Variants in BIRC6 observed in about 807,000 individuals in gnomAD.
BIRC6 encodes the protein baculoviral IAP repeat containing 6.
Under a neutral mutation model 503.3 loss-of-function variants are expected in BIRC6, and 98 were observed. The ratio of observed to expected loss-of-function variants is 0.19; its 90% CI spans 0.17 to 0.23. The LOEUF (loss-of-function observed/expected upper bound fraction) is 0.23, where lower values mean the gene tolerates loss of function less well. Ranked by LOEUF, BIRC6 falls within the 10% of genes least tolerant of loss-of-function variation. The pLI is 1.00. For synonymous variants in BIRC6, 2,240 were observed against 2,078.7 expected, an observed-to-expected ratio of 1.08 and a Z score of -2.11; for missense variants, 5,360 against 5,806.0, an observed-to-expected ratio of 0.92 and a Z score of 2.50.
Position 32,490,097 on chromosome 2 carries a change from A to G in BIRC6, c.8152A>G (p.Thr2718Ala). 6.2e-7 allele frequency: 1 copy of G among 1,613,746 alleles called. No homozygotes were observed. The highest frequency in any genetic ancestry group is 8.5e-7 in the Non-Finnish European group (1 of 1,179,680). ...LAWYPNTLLR[T>A]WCLVLHSLTL... Reference sequence around the variant, plus strand: ...TTGGTATCCCAATACTTTGCTCCGGACATGGTGCCTTGTGCTTCATAGCCT... The same window carrying G: ...TTGGTATCCCAATACTTTGCTCCGGGCATGGTGCCTTGTGCTTCATAGCCT... Residue 2718 changes from threonine to alanine, a missense_variant, in exon 43 of 74, where the codon ACA becomes GCA. This residue lies in a region of BIRC6 where 2,299 missense variants were observed against 2,267.2 expected (regional missense o/e 1.01). Coordinates refer to ENST00000421745, the MANE Select transcript of BIRC6 (RefSeq NM_016252.4).
At chr2:32,461,068 TTCTCC>T (rs1264852657) in intron 23 of BIRC6, among the ~76,000 whole-genome samples, 204 of 26,840 alleles carry the variant, frequency 7.6e-3, no homozygotes, top group African/African-American at 0.019. Flanking sequence ...TTCTCTTCTG[TTCTCC>T]TCTCCTCTCC....
At chr2:32,491,873 A>T (rs901700333) in intron 44 of BIRC6, among the ~76,000 whole-genome samples, 1 of 152,126 alleles carries the variant, frequency 6.6e-6, no homozygotes, top group African/African-American at 2.4e-5. Flanking sequence ...TTTGGAATCA[A>T]TAAATTTTAA....
At chr2:32,402,599 C>G (rs1328206200) in intron 8 of BIRC6, among the ~76,000 whole-genome samples, 2 of 152,142 alleles carry the variant, frequency 1.3e-5, no homozygotes, top group Non-Finnish European at 2.9e-5. Context: ...TCTAGTTCCT[C>G]TTGGTAATAA....
chr2:32,511,201 CTTTTTTTTTTTTT>C, intron 53 of BIRC6, among the ~76,000 whole-genome samples: 40 of 48,588 alleles, frequency 8.2e-4, no homozygotes, highest in African/African-American at 6.2e-4. Flanking sequence ...CTTTTCTTTT[CTTTTTTTTTTTTT>C]TTTTTTTTTT....
intron 22 of BIRC6, among the ~76,000 whole-genome samples, chr2:32,450,618 C>T (rs1020852354): frequency 6.6e-6 from 1 of 152,150 alleles, no homozygotes; most frequent in African/African-American, 2.4e-5. Flanking sequence ...TCTTTCTTAT[C>T]ACCCACATTG....
intron 6 of BIRC6, among the ~76,000 whole-genome samples, chr2:32,400,400 G>A (rs755084653): frequency 1.8e-4 from 26 of 146,280 alleles, no homozygotes; most frequent in Non-Finnish European, 3.1e-4. Flanking sequence ...GTGCAGTGGC[G>A]CGATCTCGGC....
chr2:32,597,413 C>T (rs2061744190), intron 68 of BIRC6, among the ~76,000 whole-genome samples: 1 of 152,106 alleles, frequency 6.6e-6, no homozygotes, highest in Non-Finnish European at 1.5e-5. Flanking sequence ...TTAATGAAAT[C>T]TTTGAGTTAA....
chr2:32,444,031 G>GTTTTTTTTTTTTT (rs776568064), intron 20 of BIRC6, among the ~76,000 whole-genome samples: 8 of 136,870 alleles, frequency 5.8e-5, no homozygotes, highest in African/African-American at 1.7e-4. Context: ...GGGACCAGTG[G>GTTTTTTTTTTTTT]TTTTTTTTTT....
At chr2:32,408,465 T>C (rs2041492766) in intron 9 of BIRC6, among the ~76,000 whole-genome samples, 1 of 152,192 alleles carries the variant, frequency 6.6e-6, no homozygotes, top group Admixed American at 6.5e-5. Context: ...TTACTTAAAC[T>C]GTGGGCTTCA....
At chr2:32,376,858 A>C (rs1247974372) in intron 1 of BIRC6, among the ~76,000 whole-genome samples, 4 of 152,230 alleles carry the variant, frequency 2.6e-5, no homozygotes, top group African/African-American at 9.6e-5. Context: ...CTCTCAGAAT[A>C]TCTTATGTAC....
At chr2:32,559,495 A>G (rs2059007548) in intron 65 of BIRC6, among the ~76,000 whole-genome samples, 1 of 152,228 alleles carries the variant, frequency 6.6e-6, no homozygotes, top group Non-Finnish European at 1.5e-5. Flanking sequence ...TTCATGGCAA[A>G]AATAGAATGA....
chr2:32,548,689 G>A (rs1401325536), intron 64 of BIRC6: 1 of 152,316 alleles, frequency 6.6e-6, no homozygotes, highest in Admixed American at 6.5e-5. Context: ...GGCTGAGGCA[G>A]GAGAATCACT....
At position 32,482,020 on chromosome 2, in the gene BIRC6, A is replaced by C. The variant is rs1429823922; in HGVS notation, c.7543-409A>C. Among the ~76,000 whole-genome samples, 3 of 152,204 alleles carry C rather than the reference A, an allele frequency of 2.0e-5. No homozygotes were observed. The East Asian group carries it at 5.8e-4, about 29-fold the overall frequency. On this transcript the variant is annotated intron_variant, in intron 38 of 73. Coordinates refer to ENST00000421745, the MANE Select transcript of BIRC6 (RefSeq NM_016252.4). ...TCATACAATAATGAGAACTACATTT[A>C]AGTATACAGAAGTATAGTTATAGAT...
intron 65 of BIRC6, among the ~76,000 whole-genome samples, chr2:32,562,950 A>G (rs940252680): frequency 1.3e-5 from 2 of 152,116 alleles, no homozygotes; most frequent in Non-Finnish European, 2.9e-5. Context: ...CTATTTGTTT[A>G]TTCTTTCGTG....
At chr2:32,448,518 A>G (rs564066844) in intron 21 of BIRC6, among the ~76,000 whole-genome samples, 5,856 of 152,072 alleles carry the variant, frequency 0.039, 207 homozygotes, top group African/African-American at 0.092. Context: ...AGGCGTGGCG[A>G]CGCGCGCCTG....
chr2:32,420,107 T>G (rs765137371), intron 10 of BIRC6, among the ~76,000 whole-genome samples: 6 of 152,234 alleles, frequency 3.9e-5, no homozygotes, highest in Non-Finnish European at 8.8e-5. Flanking sequence ...TAAAATTTTG[T>G]TCATAGTTTT....
intron 61 of BIRC6, among the ~76,000 whole-genome samples, chr2:32,534,642 AATTG>A (rs1558994208): frequency 6.8e-6 from 1 of 147,634 alleles, no homozygotes. Context: ...GAGGAAGGAG[AATTG>A]CTTGAACCCA....
intron 61 of BIRC6, among the ~76,000 whole-genome samples, chr2:32,541,009 G>T (rs761771641): frequency 6.6e-6 from 1 of 151,980 alleles, no homozygotes; most frequent in Non-Finnish European, 1.5e-5. Context: ...ACTTGTTAAA[G>T]AATTTGAATG....
chr2:32,538,466 A>G (rs763242898), intron 61 of BIRC6, among the ~76,000 whole-genome samples: 3 of 152,254 alleles, frequency 2.0e-5, no homozygotes, highest in South Asian at 4.1e-4. Flanking sequence ...ACAGCCTAAT[A>G]AAGATTCACT....
Sources: gnomAD v4.1 joint callset for allele counts (sites outside exome capture counted in the v4.1 genomes callset) on GRCh38, gnomAD v4.1.1 for gene constraint, gnomAD v4.1.1 regional missense constraint, MANE v1.5 for transcripts, NCBI Gene and HGNC (gene_info 2026-07-23, HGNC 2026-07-21) for gene names.